Variants in SGMS1 observed in about 807,000 individuals in gnomAD.
SGMS1 encodes the protein phosphatidylcholine:ceramide cholinephosphotransferase 1.
In SGMS1, 13 loss-of-function variants were observed where a neutral mutation model predicts 46.2. The observed-to-expected ratio is 0.28, with a 90% CI of 0.18 to 0.45. SGMS1 has a LOEUF of 0.45. Among genes scored for constraint, SGMS1 ranks in the 20% least tolerant of loss-of-function variants. SGMS1 has a pLI of 1.00. For synonymous variants in SGMS1, 203 were observed against 187.8 expected, an observed-to-expected ratio of 1.08 and a Z score of -0.66; for missense variants, 324 against 519.9, an observed-to-expected ratio of 0.62 and a Z score of 3.66.
At chr10:50,456,942 C>CTGGG (rs1277426333) in intron 5 of SGMS1, among the ~76,000 whole-genome samples, 12 of 152,206 alleles carry the variant, frequency 7.9e-5, no homozygotes, top group African/African-American at 2.2e-4. Context: ...AAGTCAGGTT[C>CTGGG]ATTGCATGAT....
At chr10:50,563,742 CAAAAAAAA>C (rs60882939) in intron 2 of SGMS1, among the ~76,000 whole-genome samples, 67 of 65,744 alleles carry the variant, frequency 1.0e-3, no homozygotes, top group African/African-American at 4.1e-3. Context: ...GACTCCGTCT[CAAAAAAAA>C]AAAAAAAAAA....
chr10:50,511,227 A>G (rs543915971), intron 3 of SGMS1, among the ~76,000 whole-genome samples: 6 of 148,274 alleles, frequency 4.0e-5, no homozygotes, highest in Non-Finnish European at 8.9e-5. Context: ...AGAGTGTGAG[A>G]AATATTCATT....
intron 6 of SGMS1, among the ~76,000 whole-genome samples, chr10:50,395,579 G>A (rs189333852): frequency 1.5e-4 from 23 of 152,134 alleles, no homozygotes; most frequent in African/African-American, 5.3e-4. Flanking sequence ...AATGAAACTG[G>A]AGTCTGGAAA....
intron 5 of SGMS1, among the ~76,000 whole-genome samples, chr10:50,448,469 G>C (rs1049983186): frequency 1.4e-4 from 22 of 152,060 alleles, no homozygotes; most frequent in African/African-American, 4.6e-4. Flanking sequence ...GACAGGCCAG[G>C]CACGGTGACT....
At chr10:50,374,248 C>T (rs1429000597) in intron 6 of SGMS1, among the ~76,000 whole-genome samples, 1 of 152,180 alleles carries the variant, frequency 6.6e-6, no homozygotes, top group African/African-American at 2.4e-5. Context: ...GAAACATACA[C>T]CATGGTTGCT....
intron 3 of SGMS1, among the ~76,000 whole-genome samples, chr10:50,507,054 C>A (rs934799503): frequency 1.1e-4 from 17 of 152,180 alleles, no homozygotes; most frequent in African/African-American, 2.9e-4. Context: ...TCCAAACTCC[C>A]CCAGGCTTAT....
At chr10:50,360,454 C>T (rs1848228145) in intron 6 of SGMS1, among the ~76,000 whole-genome samples, 1 of 152,150 alleles carries the variant, frequency 6.6e-6, no homozygotes, top group African/African-American at 2.4e-5. Flanking sequence ...AATATAATAG[C>T]TCTACTGATA....
chr10:50,371,075 C>T (rs1310719812), intron 6 of SGMS1, among the ~76,000 whole-genome samples: 2 of 152,148 alleles, frequency 1.3e-5, no homozygotes, highest in South Asian at 2.1e-4. Context: ...ATTATATATG[C>T]TATGCTTTTA....
chr10:50,434,127 A>G (rs1849442858), intron 5 of SGMS1, among the ~76,000 whole-genome samples: 1 of 152,252 alleles, frequency 6.6e-6, no homozygotes, highest in African/African-American at 2.4e-5. Context: ...GAGGATTCAT[A>G]TAATTCACAG....
rs78995911 is a variant in SGMS1 at position 50,619,302 on chromosome 10, G to A, written c.-684+4405C>T. Among the ~76,000 whole-genome samples the A allele has an allele frequency of 7.5e-3, 1,137 of 152,138 alleles. 13 individuals carry two copies. Among genetic ancestry groups the A allele is most frequent in the Middle Eastern group, 0.014 (4 of 294 alleles). On this transcript the variant is annotated intron_variant, in intron 1 of 10. Transcript: ENST00000361781. ...TCAAGGCAACGCACTAGATAAACCT[G>A]CACTAACAAGGATCTCACAAATAAA... is the stretch of plus-strand genomic sequence containing the variant.
chr10:50,470,301 T>C (rs1175099320), intron 3 of SGMS1, among the ~76,000 whole-genome samples: 3 of 152,340 alleles, frequency 2.0e-5, no homozygotes, highest in Admixed American at 2.0e-4. Context: ...GTTTTGCAAA[T>C]TAGAGCCTGG....
At chr10:50,327,441 C>A in intron 7 of SGMS1, 119 bp from the exon 8 acceptor site, 1 of 674,860 alleles carries the variant, frequency 1.5e-6, no homozygotes, top group East Asian at 2.7e-5. Context: ...AACTTGAAAC[C>A]AGAATGTTGT....
At chr10:50,625,116 C>A, upstream of SGMS1, 1 of 951,028 alleles carries the variant, frequency 1.1e-6, no homozygotes, top group South Asian at 4.8e-5. Flanking sequence ...CTGTACCGAC[C>A]CCTGGCTTGC....
intron 6 of SGMS1, among the ~76,000 whole-genome samples, chr10:50,356,464 AC>A (rs1848150055): frequency 6.6e-6 from 1 of 151,942 alleles, no homozygotes; most frequent in Non-Finnish European, 1.5e-5. Flanking sequence ...AAAACCAGAG[AC>A]CTTTGTTCAC....
At chr10:50,583,222 C>T (rs893972573) in intron 2 of SGMS1, among the ~76,000 whole-genome samples, 1 of 152,216 alleles carries the variant, frequency 6.6e-6, no homozygotes, top group African/African-American at 2.4e-5. Flanking sequence ...TTTTTAATCA[C>T]TTCTTTATCC....
At chr10:50,337,510 G>A (rs1847735006) in intron 7 of SGMS1, among the ~76,000 whole-genome samples, 1 of 151,906 alleles carries the variant, frequency 6.6e-6, no homozygotes. Flanking sequence ...CACAACCATC[G>A]AAGACATAAA....
At position 50,592,270 on chromosome 10, in the gene SGMS1, G is replaced by C. The variant is rs530779722; in HGVS notation, c.-683-2023C>G. Among the ~76,000 whole-genome samples the C allele has an allele frequency of 3.9e-5, 6 of 152,304 alleles. No individual in the cohort carries two copies. The South Asian group carries it at 1.2e-3, about 32-fold the overall frequency. On this transcript the variant is annotated intron_variant, in intron 1 of 10. Transcript: ENST00000361781. ...TTTGGTGAGGGAAGGTTAAGTAAAT[G>C]AATCAATAATTTAAAAGTTGTTAAC...
Position 50,470,107 on chromosome 10 carries a change from G to A in SGMS1, c.-497-3175C>T, listed in dbSNP as rs143408307. Among the ~76,000 whole-genome samples, 13 of 152,234 alleles carry A rather than the reference G, an allele frequency of 8.5e-5. No individual in the cohort carries two copies. In the East Asian group the frequency reaches 1.2e-3, roughly 14 times the overall value. ...GTGGAAATTGCAGCAGGCATGCTTC[G>A]TTTTTGGCAGCCCTGTCCCACACCC... is the stretch of plus-strand genomic sequence containing the variant. On this transcript the variant is annotated intron_variant, in intron 3 of 10. Coordinates refer to ENST00000361781, the MANE Select transcript of SGMS1 (RefSeq NM_147156.4).
At position 50,507,440 on chromosome 10, in the gene SGMS1, C is replaced by T. The variant is rs537942520; in HGVS notation, c.-498+12391G>A. ...TGGGCTCAGGCCAGCCCAAGCTGAGCGAAACAGGCTAAAATACAGGCGGCT... is the reference window on the plus strand; with the variant it reads ...TGGGCTCAGGCCAGCCCAAGCTGAGTGAAACAGGCTAAAATACAGGCGGCT... On this transcript the variant is annotated intron_variant, in intron 3 of 10. Coordinates refer to ENST00000361781, the MANE Select transcript of SGMS1 (RefSeq NM_147156.4). Among the ~76,000 whole-genome samples the T allele has an allele frequency of 3.3e-5, 5 of 152,238 alleles. No homozygotes were observed. The East Asian group carries it at 5.8e-4, about 18-fold the overall frequency.
Sources: allele counts gnomAD v4.1 joint callset (sites outside exome capture counted in the v4.1 genomes callset), GRCh38; gene constraint gnomAD v4.1.1; transcripts MANE v1.5; gene names NCBI Gene and HGNC (gene_info 2026-07-23, HGNC 2026-07-21).